CCDC171: variants seen among roughly 807,000 people sequenced by gnomAD.
CCDC171 encodes coiled-coil domain containing 171, also known as coiled-coil domain-containing protein 171.
Under a neutral mutation model 168.2 loss-of-function variants are expected in CCDC171, and 177 were observed. The ratio of observed to expected loss-of-function variants is 1.05; its 90% CI spans 0.93 to 1.19. CCDC171 has a LOEUF of 1.19. Ranked by LOEUF, CCDC171 falls within the 50% of genes most tolerant of loss-of-function variation. The probability of loss-of-function intolerance (pLI) is 0.00; values close to 1 mark genes in which losing one functional copy is unlikely to be tolerated. For synonymous variants in CCDC171, 687 were observed against 540.8 expected, an observed-to-expected ratio of 1.27 and a Z score of -3.75; for missense variants, 1,991 against 1,539.0, an observed-to-expected ratio of 1.29 and a Z score of -4.91.
chr9:15,700,242 C>T (rs972414465), intron 11 of CCDC171, among the ~76,000 whole-genome samples: 1 of 152,236 alleles, frequency 6.6e-6, no homozygotes, highest in Non-Finnish European at 1.5e-5. Context: ...TGGGCTGGCA[C>T]TGCTGGGGGA....
intron 23 of CCDC171, among the ~76,000 whole-genome samples, chr9:15,862,378 A>G (rs531059806): frequency 2.0e-5 from 3 of 150,238 alleles, no homozygotes; most frequent in Admixed American, 1.3e-4. Flanking sequence ...TTGAGTTATT[A>G]TATTCTTCTG....
intron 7 of CCDC171, among the ~76,000 whole-genome samples, chr9:15,652,820 G>A (rs1482061469): frequency 6.6e-6 from 1 of 152,148 alleles, no homozygotes; most frequent in Non-Finnish European, 1.5e-5. Flanking sequence ...AGATTGTCAT[G>A]TTAACGTTTT....
At chr9:15,956,999 C>G (rs1829859814) in intron 25 of CCDC171, among the ~76,000 whole-genome samples, 1 of 148,708 alleles carries the variant, frequency 6.7e-6, no homozygotes, top group Admixed American at 6.7e-5. Flanking sequence ...AAAGAACTGA[C>G]TTGAAATTTA....
chr9:15,823,469 TGA>T (rs1443507586), intron 21 of CCDC171, among the ~76,000 whole-genome samples: 1 of 152,240 alleles, frequency 6.6e-6, no homozygotes, highest in East Asian at 1.9e-4. Flanking sequence ...GTTTGAGAAA[TGA>T]GAGCTAAGAT....
At chr9:15,829,347 A>G (rs1262314941) in intron 21 of CCDC171, among the ~76,000 whole-genome samples, 1 of 152,164 alleles carries the variant, frequency 6.6e-6, no homozygotes, top group Non-Finnish European at 1.5e-5. Flanking sequence ...ACTTGAGGGA[A>G]GATGATGGCC....
chr9:16,014,710 A>T (rs1832966047), intron 3 of CCDC171, among the ~76,000 whole-genome samples: 1 of 152,152 alleles, frequency 6.6e-6, no homozygotes, highest in Non-Finnish European at 1.5e-5. Context: ...TCCATCAGAG[A>T]TCTAGGGTGA....
rs752151892 is a variant in CCDC171 at position 15,971,751 on chromosome 9, C to T, written c.3896C>T (p.Thr1299Ile). ...YTFLKETFINTVPHALTSSHS... is the reference protein window; with the variant it reads ...YTFLKETFINIVPHALTSSHS... Reference sequence around the variant, plus strand: ...TTCTTAAAGGAGACATTTATAAATACTGTGCCCCATGCTCTGACATCATCT... The same window carrying T: ...TTCTTAAAGGAGACATTTATAAATATTGTGCCCCATGCTCTGACATCATCT... Residue 1299 changes from threonine (T) to isoleucine (I), a missense_variant, in exon 26 of 26, where the codon ACT (threonine) becomes ATT (isoleucine). Thr to Ile is a moderately conservative substitution (Grantham distance 89). Transcript: ENST00000380701. 3 of 1,613,946 alleles carry T rather than the reference C, an allele frequency of 1.9e-6. No individual in the cohort carries two copies. In the South Asian group the frequency reaches 3.3e-5, roughly 18 times the overall value.
chr9:15,713,186 G>A (rs1171440266), intron 11 of CCDC171, among the ~76,000 whole-genome samples: 2 of 152,174 alleles, frequency 1.3e-5, no homozygotes, highest in Non-Finnish European at 2.9e-5. Context: ...TTGACGTTCT[G>A]CTTACTGGAA....
At chr9:16,102,482 G>C in the CCDC171 span, among the ~76,000 whole-genome samples, 1 of 133,088 alleles carries the variant, frequency 7.5e-6, no homozygotes, top group African/African-American at 3.0e-5. Flanking sequence ...AAGGATAAAC[G>C]TGTGTTGGGG....
the CCDC171 span, among the ~76,000 whole-genome samples, chr9:16,102,859 C>A: frequency 1.3e-5 from 2 of 152,144 alleles, no homozygotes; most frequent in Non-Finnish European, 2.9e-5. Context: ...TGAGAGGCAT[C>A]GACCTTTGAA....
intron 23 of CCDC171, among the ~76,000 whole-genome samples, chr9:15,870,498 G>A (rs989339557): frequency 6.6e-6 from 1 of 151,822 alleles, no homozygotes; most frequent in African/African-American, 2.4e-5. Flanking sequence ...ATGACATGAA[G>A]CCCTAATATC....
At chr9:15,596,754 A>G (rs1391356940) in intron 6 of CCDC171, among the ~76,000 whole-genome samples, 25 of 151,794 alleles carry the variant, frequency 1.6e-4, no homozygotes, top group Non-Finnish European at 3.4e-4. Flanking sequence ...CATTTTCACG[A>G]TATTGATTCT....
intron 4 of CCDC171, among the ~76,000 whole-genome samples, chr9:15,581,260 A>G (rs1209158443): frequency 1.3e-5 from 2 of 152,186 alleles, no homozygotes; most frequent in Admixed American, 6.5e-5. Flanking sequence ...ACTACAAACC[A>G]CTGCTCAAGG....
At chr9:16,042,209 G>A (rs566211559), upstream of CCDC171, among the ~76,000 whole-genome samples, 28 of 152,240 alleles carry the variant, frequency 1.8e-4, no homozygotes, top group South Asian at 2.5e-3. Context: ...GGATTAGAGC[G>A]CAGACATATA....
chr9:15,634,654 G>A (rs1415537307), intron 7 of CCDC171, among the ~76,000 whole-genome samples: 1 of 152,164 alleles, frequency 6.6e-6, no homozygotes, highest in Non-Finnish European at 1.5e-5. Context: ...TTATAGAGAT[G>A]TAATTTGCAT....
At position 15,594,324 on chromosome 9, in the gene CCDC171, T is replaced by C. The variant is rs959925303; in HGVS notation, c.675+152T>C. 165 of 554,172 alleles carry C rather than the reference T, an allele frequency of 3.0e-4. 1 individual carries two copies. In the East Asian group the frequency reaches 5.2e-3, roughly 17 times the overall value. 34.3% of individuals were successfully genotyped at this position (554,172 alleles called of 1,614,324 possible). ...CATTTCATTTGCTGTTACATGACAATAGGGCAACTGTTACCAACAGATACC... is the reference window on the plus strand; with the variant it reads ...CATTTCATTTGCTGTTACATGACAACAGGGCAACTGTTACCAACAGATACC... On this transcript the variant is annotated intron_variant, in intron 6 of 25. Transcript: ENST00000380701.
intron 18 of CCDC171, among the ~76,000 whole-genome samples, chr9:15,749,126 A>T (rs1690174400): frequency 7.3e-6 from 1 of 136,236 alleles, no homozygotes. Context: ...AGGAAGATCT[A>T]CCAAGCAAAT....
chr9:15,555,520 G>C (rs186388411), intron 1 of CCDC171, among the ~76,000 whole-genome samples: 1 of 152,244 alleles, frequency 6.6e-6, no homozygotes, highest in East Asian at 1.9e-4. Context: ...TCCCTGATAA[G>C]TGAGGTCTTA....
intron 9 of CCDC171, among the ~76,000 whole-genome samples, chr9:15,673,249 G>T (rs1487454291): frequency 3.9e-5 from 6 of 152,156 alleles, no homozygotes; most frequent in African/African-American, 1.4e-4. Flanking sequence ...AGGAGATTTT[G>T]GGCTGAGATG....
Sources: allele counts gnomAD v4.1 joint callset (sites outside exome capture counted in the v4.1 genomes callset), GRCh38; gene constraint gnomAD v4.1.1; transcripts MANE v1.5; gene names NCBI Gene and HGNC (gene_info 2026-07-23, HGNC 2026-07-21).